The following MAGI2 variants were observed in gnomAD, a reference collection of about 807,000 sequenced individuals.
The protein encoded by MAGI2 is membrane associated guanylate kinase, WW and PDZ domain containing 2.
In MAGI2, 35 loss-of-function variants were observed where a neutral mutation model predicts 133.3. The ratio of observed to expected loss-of-function variants is 0.26; its 90% CI spans 0.20 to 0.35. MAGI2 has a LOEUF of 0.35. Among genes scored for constraint, MAGI2 ranks in the 10% least tolerant of loss-of-function variants. The probability of loss-of-function intolerance (pLI) is 1.00; values close to 1 mark genes in which losing one functional copy is unlikely to be tolerated. For missense variants in MAGI2, 1,636 were observed against 1,863.4 expected (o/e 0.88, Z 2.25); for synonymous variants, 729 against 710.6 (o/e 1.03, Z -0.41).
At chr7:79,357,439 G>A (rs546344115) in intron 1 of MAGI2, among the ~76,000 whole-genome samples, 3 of 152,148 alleles carry the variant, frequency 2.0e-5, no homozygotes, top group Non-Finnish European at 4.4e-5. Context: ...GAAACTATTT[G>A]TTCCATCAGA....
chr7:78,531,913 G>A (rs943257738), intron 3 of MAGI2, among the ~76,000 whole-genome samples: 9 of 152,120 alleles, frequency 5.9e-5, no homozygotes, highest in African/African-American at 2.2e-4. Context: ...AAAGGAATTT[G>A]CCAAATATCA....
intron 21 of MAGI2, among the ~76,000 whole-genome samples, chr7:78,027,761 G>T (rs1809100109): frequency 2.0e-5 from 3 of 152,138 alleles, no homozygotes; most frequent in Non-Finnish European, 4.4e-5. Context: ...ATTCCTTGAA[G>T]CTGGATTGAA....
At chr7:79,120,082 G>A (rs1819755319) in intron 1 of MAGI2, among the ~76,000 whole-genome samples, 1 of 152,040 alleles carries the variant, frequency 6.6e-6, no homozygotes, top group South Asian at 2.1e-4. Flanking sequence ...GCTAACAGGT[G>A]CATAGAAGAG....
intron 20 of MAGI2, among the ~76,000 whole-genome samples, chr7:78,080,240 G>A (rs1815802611): frequency 6.6e-6 from 1 of 152,220 alleles, no homozygotes; most frequent in African/African-American, 2.4e-5. Flanking sequence ...GATTCTCTAA[G>A]TGGTAAGGGT....
chr7:78,798,262 G>T (rs758237806), intron 2 of MAGI2, among the ~76,000 whole-genome samples: 1 of 152,138 alleles, frequency 6.6e-6, no homozygotes, highest in African/African-American at 2.4e-5. Flanking sequence ...TTGCTCTGAA[G>T]AGGGGTTCAA....
intron 1 of MAGI2, among the ~76,000 whole-genome samples, chr7:79,241,549 T>G (rs1024653184): frequency 1.3e-5 from 2 of 152,176 alleles, no homozygotes; most frequent in Non-Finnish European, 2.9e-5. Context: ...CAGGAGGAAT[T>G]TAGTTTGTAG....
chr7:78,158,773 T>G (rs921645450), intron 16 of MAGI2, among the ~76,000 whole-genome samples: 1 of 152,116 alleles, frequency 6.6e-6, no homozygotes, highest in African/African-American at 2.4e-5. Flanking sequence ...ACTAACAAAT[T>G]AGCCTCAAGA....
chr7:78,440,419 G>A (rs1242797719), intron 6 of MAGI2, among the ~76,000 whole-genome samples: 3 of 152,072 alleles, frequency 2.0e-5, no homozygotes, highest in Non-Finnish European at 2.9e-5. Flanking sequence ...TGAGGGTCTG[G>A]GCTAAATGAA....
At chr7:78,454,187 C>T (rs546188242) in intron 6 of MAGI2, among the ~76,000 whole-genome samples, 20 of 152,186 alleles carry the variant, frequency 1.3e-4, no homozygotes, top group African/African-American at 2.2e-4. Flanking sequence ...AGTAGGAAAC[C>T]GACAGGATCA....
chr7:78,919,871 T>A (rs2151631954), intron 2 of MAGI2, among the ~76,000 whole-genome samples: 1 of 152,262 alleles, frequency 6.6e-6, no homozygotes, highest in Non-Finnish European at 1.5e-5. Flanking sequence ...TTCATTCACT[T>A]CCATTCTTTC....
At chr7:78,996,668 T>G (rs1187247120) in intron 2 of MAGI2, among the ~76,000 whole-genome samples, 1 of 152,120 alleles carries the variant, frequency 6.6e-6, no homozygotes, top group Admixed American at 6.6e-5. Flanking sequence ...AAATAAAAGT[T>G]AATAAAGAAA....
intron 1 of MAGI2, among the ~76,000 whole-genome samples, chr7:79,053,327 T>G (rs1343401893): frequency 6.6e-6 from 1 of 152,176 alleles, no homozygotes. Context: ...CAAATAATGT[T>G]AAGACTTACA....
rs1825501572 is a variant in MAGI2, at chr7:79,171,145, C to T, written c.302-163939G>A. Among the ~76,000 whole-genome samples, 8 of 151,918 alleles carry T rather than the reference C, an allele frequency of 5.3e-5. No individual in the cohort carries two copies. In the South Asian group the frequency reaches 1.5e-3, roughly 28 times the overall value. On this transcript the variant is annotated intron_variant, in intron 1 of 21. Coordinates refer to ENST00000354212, the MANE Select transcript of MAGI2 (RefSeq NM_012301.4). ...CTTGGAACTGCAGAAATTTATTTTC[C>T]CATGGTTCTAGAAGTCAGAAGTCTG...
intron 10 of MAGI2, among the ~76,000 whole-genome samples, chr7:78,202,682 CAAAA>C (rs59358280): frequency 1.4e-5 from 1 of 70,532 alleles, no homozygotes. Context: ...GACTCTGTCT[CAAAA>C]AAAAAAAAAA....
chr7:79,289,713 T>A (rs1836307928), intron 1 of MAGI2, among the ~76,000 whole-genome samples: 1 of 152,134 alleles, frequency 6.6e-6, no homozygotes, highest in Non-Finnish European at 1.5e-5. Context: ...CGAGATAATC[T>A]CACTAGAAAA....
chr7:78,224,629 A>G (rs576225256), intron 10 of MAGI2, among the ~76,000 whole-genome samples: 1 of 151,700 alleles, frequency 6.6e-6, no homozygotes, highest in Non-Finnish European at 1.5e-5. Flanking sequence ...TCAAGCCACC[A>G]CATTCCAGCC....
chr7:78,580,537 G>C (rs1409444389), intron 3 of MAGI2, among the ~76,000 whole-genome samples: 1 of 152,176 alleles, frequency 6.6e-6, no homozygotes, highest in African/African-American at 2.4e-5. Flanking sequence ...TTGGGGCACA[G>C]GCAGGTTTCA....
At chr7:79,373,658 A>T (rs1486610846) in intron 1 of MAGI2, among the ~76,000 whole-genome samples, 1 of 152,084 alleles carries the variant, frequency 6.6e-6, no homozygotes, top group Non-Finnish European at 1.5e-5. Flanking sequence ...CAATAGGTAA[A>T]CATAAAATTT....
At chr7:78,044,631 A>C (rs1811204557) in intron 21 of MAGI2, among the ~76,000 whole-genome samples, 1 of 151,952 alleles carries the variant, frequency 6.6e-6, no homozygotes, top group Non-Finnish European at 1.5e-5. Context: ...TCAGGATACA[A>C]TGATCAACAA....
Sources: gnomAD v4.1 joint callset for allele counts (sites outside exome capture counted in the v4.1 genomes callset) on GRCh38, gnomAD v4.1.1 for gene constraint, MANE v1.5 for transcripts, NCBI Gene and HGNC (gene_info 2026-07-23, HGNC 2026-07-21) for gene names.